DMD: variants seen among roughly 807,000 people sequenced by gnomAD.
The protein encoded by DMD is mutant dystrophin.
A neutral mutation model predicts 330.1 loss-of-function variants in DMD; 63 were observed. The ratio of observed to expected loss-of-function variants is 0.19; its 90% confidence interval spans 0.16 to 0.24. The LOEUF is 0.24. DMD is among the 10% of genes least tolerant of loss of function. The probability of loss-of-function intolerance (pLI) is 1.00; values close to 1 mark genes in which losing one functional copy is unlikely to be tolerated. For synonymous variants in DMD, 1,223 were observed against 959.8 expected, an observed-to-expected ratio of 1.27 and a Z score of -5.07; for missense variants, 3,344 against 2,684.1, an observed-to-expected ratio of 1.25 and a Z score of -5.43.
rs188774868 is a variant in DMD at position 31,736,103 on chromosome X, G to A, written c.7543-6355C>T. The stretch of plus-strand genomic sequence containing the variant: ...ACCCTAAGGTTAGTGGAGAATAAAA[G>A]TTATGTATCTTGGCTGAAGCACTGG... On this transcript the variant is annotated intron_variant, in intron 51 of 78. Transcript: ENST00000357033. 5.7e-4 allele frequency among the ~76,000 whole-genome samples: 64 copies of A among 111,928 alleles called. No individual in the cohort carries two copies. The East Asian group carries it at 0.017, about 30-fold the overall frequency.
Position 32,108,916 on chromosome X carries a change from C to T in DMD, c.6438+108000G>A, listed in dbSNP as rs931026322. Among the ~76,000 whole-genome samples the T allele has an allele frequency of 5.4e-5, 6 of 110,379 alleles. No homozygotes were observed. In the East Asian group the frequency reaches 8.5e-4, roughly 16 times the overall value. ...ATCTTATTGCCTTTTCATAAACATA[C>T]GAATGTTTAAAATTCATATTTATAT... is the stretch of plus-strand genomic sequence containing the variant. On this transcript the variant is annotated intron_variant, in intron 44 of 78. Transcript: ENST00000357033.
intron 7 of DMD, among the ~76,000 whole-genome samples, chrX:32,787,790 A>C (rs1261666681): frequency 9.6e-6 from 1 of 104,409 alleles, no homozygotes; most frequent in African/African-American, 3.5e-5. Flanking sequence ...ATAAGGGAGG[A>C]CTCCTGTATT....
chrX:32,988,509 C>T (rs1391064133), intron 2 of DMD, among the ~76,000 whole-genome samples: 1 of 112,295 alleles, frequency 8.9e-6, no homozygotes, highest in Admixed American at 9.5e-5. Context: ...CCACTCTGAG[C>T]ATATCACTTC....
In DMD at chrX:31,892,788, T is replaced by C. The variant is rs779955102; in HGVS notation, c.6913-17415A>G. Among the ~76,000 whole-genome samples the C allele has an allele frequency of 2.7e-5, 3 of 112,261 alleles. No individual in the cohort carries two copies. In the East Asian group the frequency reaches 8.4e-4, roughly 32 times the overall value. On this transcript the variant is annotated intron_variant, in intron 47 of 78. Transcript: ENST00000357033. Reference sequence around the variant, plus strand: ...TGGTAAACCTACTGTATTATAATCCTATTAGATCACCAGTGTATATATAGT... The same window carrying C: ...TGGTAAACCTACTGTATTATAATCCCATTAGATCACCAGTGTATATATAGT...
intron 12 of DMD, among the ~76,000 whole-genome samples, chrX:32,601,720 T>G (rs1281577406): frequency 9.2e-6 from 1 of 109,065 alleles, no homozygotes; most frequent in Non-Finnish European, 1.9e-5. Context: ...ACCAATCACG[T>G]GACTTTGAGA....
rs1555970235 is a variant in DMD, at chrX:31,120,612, A to ATAATT, written c.*1302_*1306dup. On this transcript the variant is annotated 3_prime_UTR_variant, in exon 79 of 79. Coordinates refer to ENST00000357033, the MANE Select transcript of DMD (RefSeq NM_004006.3). ...CTTTTGACTGTGAGAAGAGGGCATA[A>ATAATT]TAATTTAGTTGTAATTACAGAGAAC... The ATAATT allele has an allele frequency of 8.9e-6, 1 of 112,201 alleles. No homozygotes were observed. The highest frequency in any genetic ancestry group is 1.9e-5 in the Non-Finnish European group (1 of 53,249). 9.2% of individuals were successfully genotyped at this position (112,201 alleles called of 1,213,427 possible).
At chrX:32,377,187 G>T (rs2097906593) in intron 34 of DMD, among the ~76,000 whole-genome samples, 1 of 111,526 alleles carries the variant, frequency 9.0e-6, no homozygotes, top group Non-Finnish European at 1.9e-5. Flanking sequence ...TCATTAACCA[G>T]TATATTAATT....
chrX:32,837,469 C>G (rs186111392), intron 4 of DMD, among the ~76,000 whole-genome samples: 7 of 111,075 alleles, frequency 6.3e-5, no homozygotes, highest in African/African-American at 2.0e-4. Flanking sequence ...GGCGCTCTCC[C>G]AACATGAGGG....
chrX:31,292,243 A>C (rs1569519508), intron 62 of DMD, among the ~76,000 whole-genome samples: 2 of 111,475 alleles, frequency 1.8e-5, no homozygotes, highest in Non-Finnish European at 3.8e-5. Flanking sequence ...TGTAAAAAAA[A>C]CTCCTACAGA....
chrX:33,248,374 CT>C (rs1374522063), intron 1 of DMD, among the ~76,000 whole-genome samples: 2 of 112,329 alleles, frequency 1.8e-5, no homozygotes, highest in Non-Finnish European at 3.8e-5. Flanking sequence ...AGAAAATTAA[CT>C]TTTAATTTTT....
intron 1 of DMD, among the ~76,000 whole-genome samples, chrX:33,025,278 A>T (rs1388164710): frequency 9.0e-6 from 1 of 111,691 alleles, no homozygotes; most frequent in Non-Finnish European, 1.9e-5. Context: ...GGACAAGGAC[A>T]GAGTGATAAG....
At chrX:33,173,566 A>G (rs1280027448) in intron 1 of DMD, among the ~76,000 whole-genome samples, 2 of 111,340 alleles carry the variant, frequency 1.8e-5, no homozygotes, top group Admixed American at 1.9e-4. Context: ...TGCTTCTTCT[A>G]GAGATTAAAG....
chrX:32,361,664 A>T (rs902092300), intron 37 of DMD, among the ~76,000 whole-genome samples: 3 of 111,792 alleles, frequency 2.7e-5, no homozygotes, highest in Non-Finnish European at 1.9e-5. Context: ...ATATAACATG[A>T]TGAGACACTG....
intron 52 of DMD, among the ~76,000 whole-genome samples, chrX:31,694,994 A>G (rs2083365567): frequency 9.0e-6 from 1 of 111,249 alleles, no homozygotes; most frequent in African/African-American, 3.3e-5. Context: ...CACTGTTCAC[A>G]ACAGGCAAGA....
At chrX:31,685,147 C>T (rs1443908083) in intron 52 of DMD, among the ~76,000 whole-genome samples, 1 of 111,802 alleles carries the variant, frequency 8.9e-6, no homozygotes, top group East Asian at 2.8e-4. Flanking sequence ...CCAAAACTTA[C>T]CAAAAATGTT....
At chrX:31,259,920 C>A (rs972730620) in intron 63 of DMD, among the ~76,000 whole-genome samples, 7 of 110,841 alleles carry the variant, frequency 6.3e-5, no homozygotes, top group African/African-American at 2.3e-4. Context: ...ACCTTAAATC[C>A]AAAGAGATCG....
chrX:32,484,252 A>G (rs2042203702), intron 21 of DMD, among the ~76,000 whole-genome samples: 1 of 112,029 alleles, frequency 8.9e-6, no homozygotes, highest in Admixed American at 9.5e-5. Context: ...CTTAAAACTA[A>G]GTTGATGAGT....
At chrX:32,333,527 G>C (rs188072279) in intron 41 of DMD, among the ~76,000 whole-genome samples, 5 of 110,493 alleles carry the variant, frequency 4.5e-5, no homozygotes, top group African/African-American at 1.6e-4. Flanking sequence ...GCTTTTTTTG[G>C]ATTCATCAGA....
chrX:32,640,499 ATTG>A (rs1260218453), intron 11 of DMD, among the ~76,000 whole-genome samples: 2 of 110,586 alleles, frequency 1.8e-5, no homozygotes, highest in East Asian at 5.6e-4. Flanking sequence ...GTTTTGCATA[ATTG>A]TTGATGGTTT....
Sources: gnomAD v4.1 joint callset for allele counts (sites outside exome capture counted in the v4.1 genomes callset) on GRCh38, gnomAD v4.1.1 for gene constraint, MANE v1.5 for transcripts, NCBI Gene and HGNC (gene_info 2026-07-23, HGNC 2026-07-21) for gene names.